The following EPB41L4A variants were observed in gnomAD, a reference collection of about 807,000 sequenced individuals.
EPB41L4A encodes the protein erythrocyte membrane protein band 4.1 like 4A.
EPB41L4A carries 100 observed loss-of-function variants against 108.6 expected under a neutral mutation model. The ratio of observed to expected loss-of-function variants is 0.92; its 90% CI spans 0.78 to 1.09. The LOEUF is 1.09. Ranked by LOEUF, EPB41L4A falls within the 50% of genes least tolerant of loss-of-function variation. EPB41L4A has a pLI of 0.00. For synonymous variants in EPB41L4A, 319 were observed against 289.0 expected (o/e 1.10, Z -1.05); for missense variants, 1,030 against 842.7 (o/e 1.22, Z -2.75).
At chr5:112,312,523 GA>G (rs1755116948) in intron 1 of EPB41L4A, among the ~76,000 whole-genome samples, 1 of 152,174 alleles carries the variant, frequency 6.6e-6, no homozygotes, top group Non-Finnish European at 1.5e-5. Flanking sequence ...CAGGCACCTG[GA>G]GCAGGGCCAG....
At chr5:112,308,119 C>T (rs191922611) in intron 1 of EPB41L4A, among the ~76,000 whole-genome samples, 21 of 152,282 alleles carry the variant, frequency 1.4e-4, no homozygotes, top group African/African-American at 4.6e-4. Context: ...AATCTCTTCT[C>T]TCCCCACCTA....
chr5:112,380,756 C>G (rs914259491), intron 1 of EPB41L4A, among the ~76,000 whole-genome samples: 9 of 150,776 alleles, frequency 6.0e-5, no homozygotes, highest in Non-Finnish European at 8.8e-5. Context: ...ACTTCAGTAC[C>G]AAAAAGAGAA....
chr5:112,239,776 T>C (rs1749641657), intron 10 of EPB41L4A, 39 bp from the exon 11 acceptor site: 2 of 1,445,920 alleles, frequency 1.4e-6, no homozygotes, highest in Non-Finnish European at 1.9e-6. Context: ...AAAGACTCAA[T>C]GTTATAGGCA....
intron 1 of EPB41L4A, among the ~76,000 whole-genome samples, chr5:112,357,545 G>A (rs1244121799): frequency 6.6e-6 from 1 of 152,210 alleles, no homozygotes; most frequent in Non-Finnish European, 1.5e-5. Context: ...CCGGTTTAGA[G>A]AAGGTTTGTA....
chr5:112,275,404 G>A lies in EPB41L4A; in HGVS notation c.257C>T (p.Thr86Ile). 1 of 1,533,486 alleles carries A rather than the reference G, an allele frequency of 6.5e-7. No individual in the cohort carries two copies. Among genetic ancestry groups the A allele is most frequent in the Admixed American group, 2.0e-5 (1 of 49,664 alleles). The allele number at this position is 1,533,486 out of a possible 1,614,324, so 95.0% of individuals were successfully genotyped here. A position where few individuals can be genotyped will look rare whatever the true frequency, so the allele number is the denominator to read the frequency against. ...AAAATACAAAGTATATGGAGGTCCA[G>A]CTAAAATAAGAAATAGAAATTAAAT... ...TLAEHKELIN[T>I]GPPYTLYFGI... The change falls in exon 4 of 23, where the codon ACT becomes ATT. Residue 86 changes from threonine (T) to isoleucine (I), a missense_variant and splice_region_variant. Coordinates refer to ENST00000261486, the MANE Select transcript of EPB41L4A (RefSeq NM_022140.5).
At chr5:112,399,429 A>G (rs1761590861) in intron 1 of EPB41L4A, among the ~76,000 whole-genome samples, 1 of 152,200 alleles carries the variant, frequency 6.6e-6, no homozygotes, top group Non-Finnish European at 1.5e-5. Flanking sequence ...ACTGGGAGGC[A>G]GTGTGTCAGC....
chr5:112,188,087 A>G (rs1392881676), intron 17 of EPB41L4A, among the ~76,000 whole-genome samples: 1 of 152,250 alleles, frequency 6.6e-6, no homozygotes, highest in African/African-American at 2.4e-5. Context: ...ACTATAGCAT[A>G]ACATTCCAGA....
intron 1 of EPB41L4A, among the ~76,000 whole-genome samples, chr5:112,324,812 C>T (rs1367538348): frequency 6.7e-6 from 1 of 150,220 alleles, no homozygotes; most frequent in Admixed American, 6.6e-5. Flanking sequence ...GAAATTTGAC[C>T]ATGCAGCAAA....
chr5:112,392,561 T>C (rs922318888), intron 1 of EPB41L4A, among the ~76,000 whole-genome samples: 5 of 152,016 alleles, frequency 3.3e-5, no homozygotes, highest in Non-Finnish European at 7.4e-5. Context: ...ATATATGCAC[T>C]CAATACAGGA....
chr5:112,266,159 T>G (rs779945351), intron 5 of EPB41L4A, 74 bp downstream of exon 5: 1 of 1,069,354 alleles, frequency 9.4e-7, no homozygotes, highest in Non-Finnish European at 1.3e-6. Flanking sequence ...AGTTTTAGTA[T>G]GTAAACTCCC....
intron 1 of EPB41L4A, among the ~76,000 whole-genome samples, chr5:112,316,125 C>T (rs1020596428): frequency 6.6e-6 from 1 of 152,160 alleles, no homozygotes; most frequent in Non-Finnish European, 1.5e-5. Flanking sequence ...TTTGAAAATA[C>T]CATCAATGGA....
At chr5:112,390,801 C>T (rs1484887013) in intron 1 of EPB41L4A, among the ~76,000 whole-genome samples, 1 of 152,156 alleles carries the variant, frequency 6.6e-6, no homozygotes, top group Non-Finnish European at 1.5e-5. Context: ...CAGTAGGGGC[C>T]AACTGACACC....
intron 1 of EPB41L4A, among the ~76,000 whole-genome samples, chr5:112,352,485 AT>A (rs2150735270): frequency 6.6e-6 from 1 of 152,324 alleles, no homozygotes; most frequent in South Asian, 2.1e-4. Context: ...ATATAATTGC[AT>A]TTTTTAAAAA....
chr5:112,397,175 G>C (rs948602583), intron 1 of EPB41L4A, among the ~76,000 whole-genome samples: 5 of 152,116 alleles, frequency 3.3e-5, no homozygotes, highest in Admixed American at 6.5e-5. Flanking sequence ...ACTTATAAGT[G>C]AGAAAATGAA....
chr5:112,418,967 G>A lies in EPB41L4A; in HGVS notation c.73C>T (p.Leu25Phe), dbSNP rs1294677398. 1.9e-6 allele frequency: 3 copies of A among 1,613,438 alleles called. No individual in the cohort carries two copies. Among genetic ancestry groups the A allele is most frequent in the Non-Finnish European group, 2.5e-6 (3 of 1,179,650 alleles). ...VLLLDESKLT[L>F]TTQQQGIKKS... is the part of the protein sequence containing the mutation. ...TTGATGCCCTGCTGCTGGGTGGTAA[G>A]GGTTAACTTGGATTCATCCAGGAGC... The change falls in exon 1 of 23, where the codon CTT becomes TTT. Residue 25 changes from leucine to phenylalanine, a missense_variant. Transcript: ENST00000261486.
chr5:112,298,702 G>A (rs971179412), intron 2 of EPB41L4A, among the ~76,000 whole-genome samples: 1 of 152,122 alleles, frequency 6.6e-6, no homozygotes, highest in Non-Finnish European at 1.5e-5. Context: ...TTATCTTGAA[G>A]AATAATGTCA....
chr5:112,380,798 C>A (rs1484152126), intron 1 of EPB41L4A, among the ~76,000 whole-genome samples: 2 of 47,564 alleles, frequency 4.2e-5, no homozygotes, highest in African/African-American at 1.2e-4. Flanking sequence ...CACATACACA[C>A]ACACACACAC....
At chr5:112,223,805 CA>C (rs1161070559) in intron 12 of EPB41L4A, among the ~76,000 whole-genome samples, 1 of 152,188 alleles carries the variant, frequency 6.6e-6, no homozygotes, top group Non-Finnish European at 1.5e-5. Flanking sequence ...CCCAGAAAGA[CA>C]GCACTTTTTA....
intron 3 of EPB41L4A, 149 bp from the exon 4 acceptor site, chr5:112,275,553 T>C: frequency 1.0e-6 from 1 of 986,886 alleles, no homozygotes; most frequent in Non-Finnish European, 1.4e-6. Context: ...TTCAGAACTG[T>C]GACGATAGGA....
Sources: allele counts gnomAD v4.1 joint callset (sites outside exome capture counted in the v4.1 genomes callset), GRCh38; gene constraint gnomAD v4.1.1; transcripts MANE v1.5; gene names NCBI Gene and HGNC (gene_info 2026-07-23, HGNC 2026-07-21).